GNAS-AS1: variants seen among roughly 807,000 people sequenced by gnomAD.
The protein encoded by GNAS-AS1 is GNAS antisense RNA 1 (non-protein coding).
intron 4 of GNAS-AS1, among the ~76,000 whole-genome samples, chr20:58,823,232 C>T (rs926921883): frequency 3.9e-5 from 6 of 152,180 alleles, no homozygotes; most frequent in African/African-American, 1.4e-4. Flanking sequence ...ACCTAATATC[C>T]CCAGCTGTTT....
intron 4 of GNAS-AS1, among the ~76,000 whole-genome samples, chr20:58,830,266 T>C (rs1476948563): frequency 1.5e-3 from 82 of 55,766 alleles, no homozygotes; most frequent in African/African-American, 2.2e-3. Context: ...CGCCACACCA[T>C]CACCACCACC....
chr20:58,826,975 G>T (rs1193196987), intron 4 of GNAS-AS1: 1 of 148,810 alleles, frequency 6.7e-6, no homozygotes. Context: ...GCCTCCCAAA[G>T]TGCTGGGATT....
intron 4 of GNAS-AS1, among the ~76,000 whole-genome samples, chr20:58,836,979 A>T (rs2085607826): frequency 6.6e-6 from 1 of 152,158 alleles, no homozygotes; most frequent in Non-Finnish European, 1.5e-5. Context: ...TTAATAATGC[A>T]GGCAATCTCG....
intron 4 of GNAS-AS1, among the ~76,000 whole-genome samples, chr20:58,831,090 A>C (rs2085566219): frequency 6.6e-6 from 1 of 152,232 alleles, no homozygotes; most frequent in South Asian, 2.1e-4. Flanking sequence ...TGGCACTACT[A>C]ACTAGAAGAA....
chr20:58,831,189 G>A (rs894254197), intron 4 of GNAS-AS1, among the ~76,000 whole-genome samples: 2 of 152,146 alleles, frequency 1.3e-5, no homozygotes, highest in African/African-American at 2.4e-5. Flanking sequence ...AAAGGACATC[G>A]AATTGGAGGT....
At chr20:58,843,411 T>A (rs774980298) in intron 2 of GNAS-AS1, 1 of 152,204 alleles carries the variant, frequency 6.6e-6, no homozygotes, top group African/African-American at 2.4e-5. Context: ...GGTACTCAGC[T>A]CCTTCCTTTT....
intron 4 of GNAS-AS1, among the ~76,000 whole-genome samples, chr20:58,835,161 T>C (rs1162779461): frequency 6.6e-6 from 1 of 152,146 alleles, no homozygotes. Context: ...CAGTGAGGGG[T>C]AGCGAGTGCT....
chr20:58,829,375 G>A (rs891023161), intron 4 of GNAS-AS1, among the ~76,000 whole-genome samples: 1 of 152,210 alleles, frequency 6.6e-6, no homozygotes, highest in African/African-American at 2.4e-5. Flanking sequence ...TGGCCAGAGA[G>A]GTCTTTAAAA....
chr20:58,820,404 C>A (rs2085478054), intron 4 of GNAS-AS1, among the ~76,000 whole-genome samples: 1 of 152,214 alleles, frequency 6.6e-6, no homozygotes, highest in South Asian at 2.1e-4. Context: ...TGGACACCTA[C>A]CCGAGGGAGC....
chr20:58,843,122 C>T (rs2085801421), intron 2 of GNAS-AS1, among the ~76,000 whole-genome samples: 3 of 152,086 alleles, frequency 2.0e-5, no homozygotes, highest in Admixed American at 2.0e-4. Context: ...CAAACTGCCT[C>T]GCCATCTGCA....
exon 4 of GNAS-AS1, chr20:58,842,039 C>T (rs564459918): frequency 3.3e-6 from 2 of 602,828 alleles, no homozygotes; most frequent in South Asian, 8.4e-5. Flanking sequence ...CAGGGGCCGG[C>T]GGCTCCGGCA....
intron 4 of GNAS-AS1, chr20:58,839,474 C>T (rs941621206): frequency 1.5e-5 from 6 of 401,448 alleles, no homozygotes; most frequent in Non-Finnish European, 2.2e-5. Flanking sequence ...CACGACCCCA[C>T]GGGAGCCTGC....
At chr20:58,831,048 G>A (rs937548515) in intron 4 of GNAS-AS1, among the ~76,000 whole-genome samples, 1 of 152,138 alleles carries the variant, frequency 6.6e-6, no homozygotes, top group East Asian at 1.9e-4. Context: ...GTCAGAGAAA[G>A]CCAAAATAAG....
At chr20:58,836,350 T>C (rs890758740) in intron 4 of GNAS-AS1, 3 of 152,210 alleles carry the variant, frequency 2.0e-5, no homozygotes, top group Non-Finnish European at 4.4e-5. Context: ...CTACCACCGA[T>C]AGGTTCTAAT....
chr20:58,849,616 C>T (rs1038878538), intron 1 of GNAS-AS1, among the ~76,000 whole-genome samples: 1 of 152,186 alleles, frequency 6.6e-6, no homozygotes, highest in African/African-American at 2.4e-5. Context: ...ACCTTGCCAG[C>T]CCCTCCCACT....
At chr20:58,849,739 C>G (rs990485523) in intron 1 of GNAS-AS1, among the ~76,000 whole-genome samples, 1 of 152,156 alleles carries the variant, frequency 6.6e-6, no homozygotes, top group South Asian at 2.1e-4. Context: ...CTTTGGGACC[C>G]CTCTTGAGTG....
intron 4 of GNAS-AS1, chr20:58,826,118 A>G: frequency 2.5e-6 from 1 of 398,676 alleles, no homozygotes; most frequent in Non-Finnish European, 4.4e-6. Flanking sequence ...TCAATGGGAG[A>G]ACTTTCAGCA....
chr20:58,821,582 T>C (rs1220618186), intron 4 of GNAS-AS1, among the ~76,000 whole-genome samples: 1 of 152,180 alleles, frequency 6.6e-6, no homozygotes, highest in Non-Finnish European at 1.5e-5. Context: ...GAGGAAGGGC[T>C]TCTCTGTGCC....
chr20:58,849,163 G>C (rs1192680846), intron 1 of GNAS-AS1, among the ~76,000 whole-genome samples: 1 of 152,136 alleles, frequency 6.6e-6, no homozygotes, highest in Non-Finnish European at 1.5e-5. Flanking sequence ...CTAGTGGGTA[G>C]AGGCTAGGGA....
Sources: gnomAD v4.1 joint callset for allele counts (sites outside exome capture counted in the v4.1 genomes callset) on GRCh38, gnomAD v4.1.1 for gene constraint, MANE v1.5 for transcripts, NCBI Gene and HGNC (gene_info 2026-07-23, HGNC 2026-07-21) for gene names.